Variants in XYLT1 observed in about 807,000 individuals in gnomAD.
XYLT1 encodes the protein xylosyltransferase 1, also known as beta-D-xylosyltransferase 1.
A neutral mutation model predicts 91.3 loss-of-function variants in XYLT1; 36 were observed. The ratio of observed to expected loss-of-function variants is 0.39; its 90% CI spans 0.30 to 0.52. The LOEUF (loss-of-function observed/expected upper bound fraction) is 0.52. Among genes scored for constraint, XYLT1 ranks in the 20% least tolerant of loss-of-function variants. The pLI is 0.68. For missense variants in XYLT1, 1,242 were observed against 1,284.5 expected, an observed-to-expected ratio of 0.97 and a Z score of 0.51; for synonymous variants, 588 against 532.0, an observed-to-expected ratio of 1.11 and a Z score of -1.45.
At chr16:17,297,576 A>G (rs2034330348) in intron 2 of XYLT1, among the ~76,000 whole-genome samples, 1 of 150,094 alleles carries the variant, frequency 6.7e-6, no homozygotes, top group African/African-American at 2.5e-5. Context: ...AAAAAAACTT[A>G]GCTTGGTATG....
chr16:17,147,543 G>T (rs2031167025), intron 6 of XYLT1, among the ~76,000 whole-genome samples: 1 of 152,196 alleles, frequency 6.6e-6, no homozygotes, highest in South Asian at 2.1e-4. Flanking sequence ...TGGGAGATGG[G>T]TTGCTGTATT....
At chr16:17,197,089 C>T (rs1310048450) in intron 5 of XYLT1, among the ~76,000 whole-genome samples, 3 of 149,536 alleles carry the variant, frequency 2.0e-5, no homozygotes, top group Non-Finnish European at 4.4e-5. Flanking sequence ...TTCCCTCTTG[C>T]TTGGACTAAC....
At chr16:17,236,652 C>G (rs1429428318) in intron 3 of XYLT1, among the ~76,000 whole-genome samples, 1 of 152,168 alleles carries the variant, frequency 6.6e-6, no homozygotes, top group Admixed American at 6.5e-5. Context: ...GGGTTCGTTT[C>G]TTCTGAGGGC....
intron 3 of XYLT1, among the ~76,000 whole-genome samples, chr16:17,237,442 C>T (rs1010063167): frequency 3.3e-5 from 5 of 152,138 alleles, no homozygotes; most frequent in Admixed American, 3.3e-4. Flanking sequence ...GTTGAAGATA[C>T]TGGTTGGAGG....
At chr16:17,383,811 G>T (rs942343334) in intron 1 of XYLT1, among the ~76,000 whole-genome samples, 3 of 147,924 alleles carry the variant, frequency 2.0e-5, no homozygotes, top group East Asian at 2.0e-4. Context: ...GCAATGGCAA[G>T]ATCTCGACTC....
chr16:17,462,125 C>A (rs1188045142), intron 1 of XYLT1, among the ~76,000 whole-genome samples: 1 of 152,198 alleles, frequency 6.6e-6, no homozygotes, highest in African/African-American at 2.4e-5. Context: ...GGAGGAGAAA[C>A]AAATGCCTCT....
chr16:17,348,796 C>A (rs1433136569), intron 2 of XYLT1, among the ~76,000 whole-genome samples: 1 of 152,186 alleles, frequency 6.6e-6, no homozygotes, highest in Non-Finnish European at 1.5e-5. Flanking sequence ...GCAAACCCAG[C>A]CTGAACATTC....
chr16:17,356,815 G>C (rs2035300650), intron 2 of XYLT1, among the ~76,000 whole-genome samples: 1 of 152,104 alleles, frequency 6.6e-6, no homozygotes, highest in South Asian at 2.1e-4. Context: ...CTAAGGAAAT[G>C]ATTAATCCAA....
intron 2 of XYLT1, among the ~76,000 whole-genome samples, chr16:17,325,995 A>T (rs1256948013): frequency 6.6e-6 from 1 of 152,142 alleles, no homozygotes; most frequent in Non-Finnish European, 1.5e-5. Context: ...TTGTTTTCAA[A>T]CAGCTTTACT....
chr16:17,329,262 G>A (rs746080335), intron 2 of XYLT1, among the ~76,000 whole-genome samples: 2 of 152,192 alleles, frequency 1.3e-5, no homozygotes, highest in Admixed American at 6.5e-5. Context: ...AAGGAACATG[G>A]GCTCTGGACA....
chr16:17,348,319 G>A (rs913737136), intron 2 of XYLT1, among the ~76,000 whole-genome samples: 1 of 152,158 alleles, frequency 6.6e-6, no homozygotes, highest in African/African-American at 2.4e-5. Context: ...GTTTGCTACT[G>A]AGCTGCTGAA....
At chr16:17,328,735 A>G (rs1470447687) in intron 2 of XYLT1, among the ~76,000 whole-genome samples, 1 of 152,150 alleles carries the variant, frequency 6.6e-6, no homozygotes, top group African/African-American at 2.4e-5. Context: ...CTTTTAGCAG[A>G]ATCTAAAACC....
At chr16:17,406,864 T>C (rs556103889) in intron 1 of XYLT1, among the ~76,000 whole-genome samples, 1 of 152,222 alleles carries the variant, frequency 6.6e-6, no homozygotes, top group South Asian at 2.1e-4. Flanking sequence ...TTGGAATATA[T>C]GAGGCCCTGG....
chr16:17,431,624 A>C (rs1324636296), intron 1 of XYLT1, among the ~76,000 whole-genome samples: 1 of 152,248 alleles, frequency 6.6e-6, no homozygotes, highest in African/African-American at 2.4e-5. Flanking sequence ...TATCATTATC[A>C]GAAAGCAAAA....
chr16:17,353,168 G>A (rs2035244333), intron 2 of XYLT1, among the ~76,000 whole-genome samples: 1 of 152,152 alleles, frequency 6.6e-6, no homozygotes, highest in Non-Finnish European at 1.5e-5. Context: ...TTGATCTCCA[G>A]GTCCTGAGGG....
At chr16:17,452,734 G>A (rs1448848490) in intron 1 of XYLT1, among the ~76,000 whole-genome samples, 2 of 152,142 alleles carry the variant, frequency 1.3e-5, no homozygotes, top group African/African-American at 4.8e-5. Flanking sequence ...TATGAAGGAA[G>A]CCTGGAAGTT....
At chr16:17,451,065 T>A (rs980973033) in intron 1 of XYLT1, among the ~76,000 whole-genome samples, 1 of 152,216 alleles carries the variant, frequency 6.6e-6, no homozygotes, top group Non-Finnish European at 1.5e-5. Context: ...GGGAAGGTTG[T>A]TGGACAGAGT....
intron 5 of XYLT1, among the ~76,000 whole-genome samples, chr16:17,168,625 G>T (rs1173177929): frequency 2.0e-5 from 3 of 151,786 alleles, no homozygotes; most frequent in Admixed American, 6.6e-5. Context: ...TTAAAAAGTA[G>T]TCCAAATTTA....
chr16:17,389,058 G>A (rs770997146), intron 1 of XYLT1, among the ~76,000 whole-genome samples: 1 of 152,186 alleles, frequency 6.6e-6, no homozygotes, highest in Non-Finnish European at 1.5e-5. Flanking sequence ...TAAGTCACGT[G>A]GGCAACACTG....
Sources: gnomAD v4.1 joint callset for allele counts (sites outside exome capture counted in the v4.1 genomes callset) on GRCh38, gnomAD v4.1.1 for gene constraint, MANE v1.5 for transcripts, NCBI Gene and HGNC (gene_info 2026-07-23, HGNC 2026-07-21) for gene names.